Variants in KSR2 observed in about 807,000 individuals in gnomAD.
KSR2 encodes the protein kinase suppressor of ras 2.
A neutral mutation model predicts 107.8 loss-of-function variants in KSR2; 25 were observed. The ratio of observed to expected loss-of-function variants is 0.23; its 90% CI spans 0.17 to 0.32. The LOEUF (loss-of-function observed/expected upper bound fraction) is 0.32, where lower values mean the gene tolerates loss of function less well. KSR2 is among the 10% of genes least tolerant of loss of function. The probability of loss-of-function intolerance (pLI) is 1.00; values close to 1 mark genes in which losing one functional copy is unlikely to be tolerated. For synonymous variants in KSR2, 480 were observed against 507.0 expected, an observed-to-expected ratio of 0.95 and a Z score of 0.71; for missense variants, 887 against 1,268.9, an observed-to-expected ratio of 0.70 and a Z score of 4.57.
chr12:117,695,705 T>C (rs149878203), intron 4 of KSR2, among the ~76,000 whole-genome samples: 4,787 of 146,350 alleles, frequency 0.033, 234 homozygotes, highest in African/African-American at 0.11. Flanking sequence ...AGTGAGATCC[T>C]GTCTCAAACA....
chr12:117,731,176 G>A (rs1887667847), intron 4 of KSR2, among the ~76,000 whole-genome samples: 1 of 150,442 alleles, frequency 6.6e-6, no homozygotes, highest in African/African-American at 2.5e-5. Flanking sequence ...TCTGGGAACT[G>A]AGGAGTGTCT....
intron 4 of KSR2, among the ~76,000 whole-genome samples, chr12:117,754,489 T>C (rs1888718727): frequency 6.6e-6 from 1 of 151,928 alleles, no homozygotes; most frequent in Non-Finnish European, 1.5e-5. Context: ...AATACAAAAA[T>C]TAGCCAGGCG....
At chr12:117,567,700 C>A (rs934563254) in intron 7 of KSR2, among the ~76,000 whole-genome samples, 1 of 152,122 alleles carries the variant, frequency 6.6e-6, no homozygotes, top group African/African-American at 2.4e-5. Context: ...AATCCTTGCC[C>A]CCTTTGCAGC....
intron 3 of KSR2, among the ~76,000 whole-genome samples, chr12:117,847,282 G>A (rs1190454406): frequency 1.3e-5 from 2 of 152,238 alleles, no homozygotes; most frequent in Non-Finnish European, 2.9e-5. Context: ...GGTGGCAGGC[G>A]GCATTCTGGG....
intron 4 of KSR2, among the ~76,000 whole-genome samples, chr12:117,737,782 CAAAAAAAA>C (rs10587288): frequency 2.0e-4 from 17 of 84,066 alleles, no homozygotes; most frequent in African/African-American, 6.3e-4. Flanking sequence ...AATCCTGTCT[CAAAAAAAA>C]AAAAAAAAAA....
At chr12:117,735,784 G>A (rs1216799086) in intron 4 of KSR2, among the ~76,000 whole-genome samples, 1 of 151,914 alleles carries the variant, frequency 6.6e-6, no homozygotes, top group Non-Finnish European at 1.5e-5. Flanking sequence ...TACGCTTAAC[G>A]GCTTAAAAAT....
At chr12:117,964,675 C>A (rs1027698558) in intron 1 of KSR2, among the ~76,000 whole-genome samples, 4 of 152,184 alleles carry the variant, frequency 2.6e-5, no homozygotes, top group Admixed American at 1.3e-4. Flanking sequence ...GTGCTAGACC[C>A]TTGAAAACGT....
At chr12:117,609,072 G>A (rs1054388020) in intron 5 of KSR2, among the ~76,000 whole-genome samples, 1 of 152,074 alleles carries the variant, frequency 6.6e-6, no homozygotes, top group Non-Finnish European at 1.5e-5. Context: ...GCCCCAACCT[G>A]AGACAGACAC....
chr12:117,564,262 C>A (rs139310834), intron 7 of KSR2, among the ~76,000 whole-genome samples: 1 of 152,314 alleles, frequency 6.6e-6, no homozygotes, highest in East Asian at 1.9e-4. Flanking sequence ...TCCCAGGCAC[C>A]AGGGAAGGTC....
intron 4 of KSR2, among the ~76,000 whole-genome samples, chr12:117,709,173 G>A (rs1886651753): frequency 6.6e-6 from 1 of 151,994 alleles, no homozygotes; most frequent in Non-Finnish European, 1.5e-5. Flanking sequence ...ACATCTTTGG[G>A]GGAGCTGTTA....
intron 3 of KSR2, among the ~76,000 whole-genome samples, chr12:117,777,107 T>TATATATATAC (rs58787858): frequency 4.1e-4 from 27 of 66,148 alleles, no homozygotes; most frequent in African/African-American, 1.2e-3. Flanking sequence ...TATATATATA[T>TATATATATAC]ACACACACAC....
At chr12:117,840,951 G>A (rs1374422957) in intron 3 of KSR2, among the ~76,000 whole-genome samples, 5 of 151,290 alleles carry the variant, frequency 3.3e-5, no homozygotes, top group South Asian at 2.1e-4. Context: ...GCAGTGAGCC[G>A]AGATTAAGCC....
At chr12:117,471,413 C>T in intron 17 of KSR2, 93 bp from the exon 18 acceptor site, 1 of 1,379,292 alleles carries the variant, frequency 7.3e-7, no homozygotes, top group Admixed American at 2.1e-5. Context: ...CAGCCAGTCT[C>T]CTGGCACCCA....
intron 5 of KSR2, among the ~76,000 whole-genome samples, chr12:117,620,423 G>A (rs1882129404): frequency 6.6e-6 from 1 of 152,164 alleles, no homozygotes; most frequent in African/African-American, 2.4e-5. Context: ...CATTCTGAGT[G>A]ACCTCCTGTT....
chr12:117,781,347 T>A (rs1042897616), intron 3 of KSR2, among the ~76,000 whole-genome samples: 1 of 152,124 alleles, frequency 6.6e-6, no homozygotes, highest in Non-Finnish European at 1.5e-5. Context: ...GGCGGTTCAT[T>A]AAGCAAAGAA....
intron 5 of KSR2, among the ~76,000 whole-genome samples, chr12:117,644,448 G>C (rs1046302760): frequency 1.3e-5 from 2 of 152,180 alleles, no homozygotes; most frequent in African/African-American, 4.8e-5. Context: ...AGGATCAGTG[G>C]TTCTTGATCT....
chr12:117,864,922 A>G (rs1462750698), intron 1 of KSR2, among the ~76,000 whole-genome samples: 1 of 152,176 alleles, frequency 6.6e-6, no homozygotes, highest in Non-Finnish European at 1.5e-5. Context: ...AGGGATCACA[A>G]CTGGAACCAG....
intron 4 of KSR2, among the ~76,000 whole-genome samples, chr12:117,711,867 T>C (rs1251951345): frequency 1.3e-5 from 2 of 152,204 alleles, no homozygotes; most frequent in Admixed American, 6.5e-5. Context: ...GGTTGGGTTG[T>C]GCCATGAAGA....
intron 16 of KSR2, among the ~76,000 whole-genome samples, chr12:117,483,230 C>T (rs569806336): frequency 2.0e-5 from 3 of 152,182 alleles, no homozygotes; most frequent in South Asian, 2.1e-4. Context: ...AAGAAACAAG[C>T]GCCTGTTTGG....
Sources: allele counts gnomAD v4.1 joint callset (sites outside exome capture counted in the v4.1 genomes callset), GRCh38; gene constraint gnomAD v4.1.1; transcripts MANE v1.5; gene names NCBI Gene and HGNC (gene_info 2026-07-23, HGNC 2026-07-21).